ELFN2: variants seen among roughly 807,000 people sequenced by gnomAD.
The protein encoded by ELFN2 is protein phosphatase 1 regulatory subunit 29.
In ELFN2, 17 loss-of-function variants were observed where a neutral mutation model predicts 45.5. That is an observed-to-expected ratio of 0.37 (90% CI 0.26 to 0.56). The LOEUF (loss-of-function observed/expected upper bound fraction) is 0.56, where lower values mean the gene tolerates loss of function less well. Ranked by LOEUF, ELFN2 falls within the 20% of genes least tolerant of loss-of-function variation. The pLI is 0.77. For missense variants in ELFN2, 922 were observed against 1,183.2 expected, an observed-to-expected ratio of 0.78 and a Z score of 3.24; for synonymous variants, 550 against 551.5, an observed-to-expected ratio of 1.00 and a Z score of 0.04.
At chr22:37,359,490 CT>C (rs1281545201) in intron 1 of ELFN2, among the ~76,000 whole-genome samples, 48 of 152,240 alleles carry the variant, frequency 3.2e-4, no homozygotes, top group African/African-American at 1.1e-3. Context: ...GCTTCCATTG[CT>C]GTATCTGCAA....
In ELFN2 at chr22:37,351,029, C is replaced by T. The variant is rs1015569555; in HGVS notation, n.149-8326G>A. Among the ~76,000 whole-genome samples the T allele has an allele frequency of 3.3e-5, 5 of 150,364 alleles. 1 individual carries two copies. Among genetic ancestry groups the T allele is most frequent in the Non-Finnish European group, 7.5e-5 (5 of 66,940 alleles). ...TTCTCCTCTCCAGGCCCGGTTCCTC[C>T]TCTTTTAAATGAGGGGTGCCATTTC... On this transcript the variant is annotated intron_variant and non_coding_transcript_variant, in intron 1 of 2. Coordinates refer to ENST00000452946, the Ensembl canonical transcript of ELFN2.
chr22:37,367,801 C>T (rs1025336904), downstream of ELFN2, among the ~76,000 whole-genome samples: 1 of 152,102 alleles, frequency 6.6e-6, no homozygotes, highest in Non-Finnish European at 1.5e-5. Context: ...TCTGGCAGAC[C>T]GCCTTCTTTT....
In ELFN2 at chr22:37,374,742, C is replaced by T. The variant is rs140787341; in HGVS notation, c.793G>A (p.Ala265Thr). 1.0e-4 allele frequency: 163 copies of T among 1,611,210 alleles called. No individual in the cohort carries two copies. Among genetic ancestry groups the T allele is most frequent in the African/African-American group, 7.1e-4 (53 of 75,016 alleles). ...GAGTTCTCGTCTGGCTCCCTCTGGGCGTCGGTGGAGTAGGGCGTGGGGTGG... is the reference window on the plus strand; with the variant it reads ...GAGTTCTCGTCTGGCTCCCTCTGGGTGTCGGTGGAGTAGGGCGTGGGGTGG... ...VSHPTPYSTDAQREPDENSGF... is the reference protein window; with the variant it reads ...VSHPTPYSTDTQREPDENSGF... Residue 265 changes from alanine to threonine, a missense_variant, in exon 3 of 3, where the codon GCC becomes ACC. Ala to Thr is a moderately conservative substitution (Grantham distance 58, BLOSUM62 0). Around this residue, in one of 2 missense-constraint regions of ELFN2, gnomAD observed 358 missense variants for 540.4 expected, o/e 0.66. Transcript: ENST00000402918.
intron 2 of ELFN2, among the ~76,000 whole-genome samples, chr22:37,341,668 C>G (rs1930563667): frequency 6.6e-6 from 1 of 152,222 alleles, no homozygotes; most frequent in African/African-American, 2.4e-5. Flanking sequence ...AGGACTCATT[C>G]TAGAGTCCAA....
rs778030367 is a variant in ELFN2, at chr22:37,373,742, C to T, written c.1793G>A (p.Arg598Gln). The T allele has an allele frequency of 2.2e-5, 34 of 1,564,326 alleles. 1 individual carries two copies. Among genetic ancestry groups the T allele is most frequent in the South Asian group, 1.9e-4 (16 of 82,846 alleles). ...GTAGGGAGGCGAAAGGAAGCTGGGC[C>T]GCTCCAGGGCCCCGGGGCCAGTGGC... ...SSATGPGALE[R>Q]PSFLSPPYKE... The change falls in exon 3 of 3, where the codon CGG becomes CAG. Residue 598 changes from arginine (R) to glutamine (Q), a missense_variant. Arg to Gln is a conservative substitution (Grantham distance 43, BLOSUM62 1). This residue lies in a region of ELFN2 where 564 missense variants were observed against 642.8 expected (regional missense o/e 0.88). Coordinates refer to ENST00000402918, the MANE Select transcript of ELFN2 (RefSeq NM_052906.5).
chr22:37,422,847 G>A (rs933504719), intron 1 of ELFN2, among the ~76,000 whole-genome samples: 2 of 149,556 alleles, frequency 1.3e-5, no homozygotes, highest in South Asian at 2.1e-4. Context: ...CTTCTGCCTC[G>A]GCCTCCCAAA....
At chr22:37,400,841 T>C (rs1295495511) in intron 2 of ELFN2, among the ~76,000 whole-genome samples, 1 of 152,264 alleles carries the variant, frequency 6.6e-6, no homozygotes, top group Non-Finnish European at 1.5e-5. Flanking sequence ...GGCATTAGCC[T>C]GAAAGTGCTT....
At chr22:37,344,741 G>T (rs1373339756) in intron 1 of ELFN2, among the ~76,000 whole-genome samples, 1 of 152,138 alleles carries the variant, frequency 6.6e-6, no homozygotes, top group Non-Finnish European at 1.5e-5. Flanking sequence ...CTCGAAGGCT[G>T]ACCTCTGCAA....
intron 1 of ELFN2, among the ~76,000 whole-genome samples, chr22:37,349,585 A>G (rs1174073533): frequency 6.6e-6 from 1 of 150,976 alleles, no homozygotes; most frequent in Non-Finnish European, 1.5e-5. Flanking sequence ...CCCCAGGGAC[A>G]TCAGATCTGC....
Position 37,406,450 on chromosome 22 carries a change from A to G in ELFN2, c.-463+11319T>C, listed in dbSNP as rs369288093. On this transcript the variant is annotated intron_variant, in intron 2 of 2. Coordinates refer to ENST00000402918, the MANE Select transcript of ELFN2 (RefSeq NM_052906.5). The stretch of plus-strand genomic sequence containing the variant: ...AGGTGACCCTCCCTGGCGCTCCCCC[A>G]TCAGGGAAAGGGCAGAGAGCAAAGG... 4.4e-3 allele frequency among the ~76,000 whole-genome samples: 663 copies of G among 152,116 alleles called. 5 individuals are homozygous for G. Among genetic ancestry groups the G allele is most frequent in the African/African-American group, 0.015 (609 of 41,498 alleles).
intron 2 of ELFN2, among the ~76,000 whole-genome samples, chr22:37,389,801 G>T (rs1487268996): frequency 2.0e-5 from 3 of 152,162 alleles, no homozygotes; most frequent in African/African-American, 7.2e-5. Context: ...CTTCCTGTCT[G>T]CGCCCCTCCC....
chr22:37,414,129 G>T (rs537123581), intron 2 of ELFN2, among the ~76,000 whole-genome samples: 1 of 152,210 alleles, frequency 6.6e-6, no homozygotes, highest in South Asian at 2.1e-4. Context: ...TATGTGCCAG[G>T]CCCCATTCAA....
chr22:37,357,903 C>T (rs1421475783), intron 1 of ELFN2, among the ~76,000 whole-genome samples: 2 of 152,122 alleles, frequency 1.3e-5, no homozygotes, highest in Non-Finnish European at 1.5e-5. Flanking sequence ...GCGTGGCCAC[C>T]CCCTCCACAC....
intron 2 of ELFN2, among the ~76,000 whole-genome samples, chr22:37,388,010 A>C (rs1283534259): frequency 1.4e-5 from 2 of 140,454 alleles, no homozygotes; most frequent in South Asian, 2.3e-4. Flanking sequence ...AGGCACCCAC[A>C]CCTCCCCACC....
chr22:37,375,870 C>T lies in ELFN2; in HGVS notation c.-336G>A, dbSNP rs1010777263. 5 of 399,366 alleles carry T rather than the reference C, an allele frequency of 1.3e-5. No homozygotes were observed. Among genetic ancestry groups the T allele is most frequent in the East Asian group, 4.9e-5 (1 of 20,600 alleles). 24.7% of individuals were successfully genotyped at this position (399,366 alleles called of 1,614,324 possible). A position where few individuals can be genotyped will look rare whatever the true frequency, so the allele number is the denominator to read the frequency against. ...TCCTCCTCCTCCTCCTCCTCCTCCT[C>T]GTCTTCCTCCTTGGCTTCCGGGCTC... On this transcript the variant is annotated 5_prime_UTR_variant, in exon 3 of 3. Transcript: ENST00000402918.
Position 37,373,019 on chromosome 22 carries a change from C to A in ELFN2, c.*53G>T. 6.5e-7 allele frequency: 1 copy of A among 1,528,742 alleles called. No homozygotes were observed. The highest frequency in any genetic ancestry group is 1.3e-5 in the South Asian group (1 of 78,736). The allele number at this position is 1,528,742 out of a possible 1,614,324, so 94.7% of individuals were successfully genotyped here. ...CGCCCTGGCCGCCTGGACCCTTCCCCCAAAAGGCCCCCAGCCCTCTGGCTC... is the reference window on the plus strand; with the variant it reads ...CGCCCTGGCCGCCTGGACCCTTCCCACAAAAGGCCCCCAGCCCTCTGGCTC... On this transcript the variant is annotated 3_prime_UTR_variant, in exon 3 of 3. Transcript: ENST00000402918.
chr22:37,414,864 G>A (rs1315201711), intron 2 of ELFN2, among the ~76,000 whole-genome samples: 1 of 152,188 alleles, frequency 6.6e-6, no homozygotes, highest in African/African-American at 2.4e-5. Flanking sequence ...TGCCCTTTGA[G>A]GCCACCCAGG....
intron 1 of ELFN2, among the ~76,000 whole-genome samples, chr22:37,350,401 C>A (rs1055689326): frequency 2.0e-5 from 3 of 150,526 alleles, no homozygotes; most frequent in Non-Finnish European, 4.5e-5. Context: ...CACTGTCGGG[C>A]GGCTGCAGGG....
chr22:37,380,891 A>C (rs1931741367), intron 2 of ELFN2, among the ~76,000 whole-genome samples: 1 of 152,100 alleles, frequency 6.6e-6, no homozygotes, highest in African/African-American at 2.4e-5. Context: ...CTCCCTTGTC[A>C]TGGAGCTCCC....
Sources: gnomAD v4.1 joint callset for allele counts (sites outside exome capture counted in the v4.1 genomes callset) on GRCh38, gnomAD v4.1.1 for gene constraint, gnomAD v4.1.1 regional missense constraint, MANE v1.5 for transcripts, NCBI Gene and HGNC (gene_info 2026-07-23, HGNC 2026-07-21) for gene names.